The following CARMIL1 variants were observed in gnomAD, a reference collection of about 807,000 sequenced individuals.
The protein encoded by CARMIL1 is capping protein regulator and myosin 1 linker 1, also known as F-actin-uncapping protein LRRC16A.
Under a neutral mutation model 177.1 loss-of-function variants are expected in CARMIL1, and 90 were observed. The ratio of observed to expected loss-of-function variants is 0.51; its 90% CI spans 0.43 to 0.61. CARMIL1 has a LOEUF of 0.61. Among genes scored for constraint, CARMIL1 ranks in the 20% least tolerant of loss-of-function variants. The pLI, the probability that CARMIL1 is intolerant of heterozygous loss-of-function variation, is 0.00. For synonymous variants in CARMIL1, 577 were observed against 606.2 expected (o/e 0.95, Z 0.71); for missense variants, 1,380 against 1,667.0 (o/e 0.83, Z 3.00).
Position 25,619,493 on chromosome 6 carries a change from A to G in CARMIL1, c.4026A>G (p.Gln1342=). ...WGQQAQEYQE[Q]KQRSSSKDGH... Reference sequence around the variant, plus strand: ...AGCAGGCCCAGGAGTATCAAGAACAAAAGCAACGGTCCTCCAGTAAAGATG... The same window carrying G: ...AGCAGGCCCAGGAGTATCAAGAACAGAAGCAACGGTCCTCCAGTAAAGATG... Residue 1342 remains glutamine, a synonymous_variant, in exon 37 of 37, where the codon CAA becomes CAG. Coordinates refer to ENST00000329474, the MANE Select transcript of CARMIL1 (RefSeq NM_017640.6). The G allele has an allele frequency of 1.2e-6, 2 of 1,613,922 alleles. No homozygotes were observed. The highest frequency in any genetic ancestry group is 1.7e-6 in the Non-Finnish European group (2 of 1,179,850).
At chr6:25,609,944 CT>C in intron 35 of CARMIL1, 105 bp from the exon 36 acceptor site, 1 of 1,298,916 alleles carries the variant, frequency 7.7e-7, no homozygotes, top group Non-Finnish European at 1.0e-6. Flanking sequence ...TTCTATGATG[CT>C]TTATTTTTTT....
At chr6:25,408,710 C>T (rs6906404) in intron 2 of CARMIL1, among the ~76,000 whole-genome samples, 6,450 of 151,864 alleles carry the variant, frequency 0.042, 218 homozygotes, top group Middle Eastern at 0.12. Context: ...TGTATTGTCC[C>T]CTGATGAGAG....
intron 2 of CARMIL1, among the ~76,000 whole-genome samples, chr6:25,396,480 GCC>G (rs1793406210): frequency 6.6e-6 from 1 of 150,720 alleles, no homozygotes; most frequent in Non-Finnish European, 1.5e-5. Flanking sequence ...TCCTGTCTCA[GCC>G]TCCCGAGTAG....
At chr6:25,595,287 A>T (rs1814721358) in intron 32 of CARMIL1, among the ~76,000 whole-genome samples, 1 of 152,242 alleles carries the variant, frequency 6.6e-6, no homozygotes, top group South Asian at 2.1e-4. Context: ...GAGATATCAA[A>T]TTCAGGAACA....
rs749676898 is a variant in CARMIL1 at position 25,610,221 on chromosome 6, C to T, written c.3979+40C>T. On this transcript the variant is annotated intron_variant, in intron 36 of 36. Coordinates refer to ENST00000329474, the MANE Select transcript of CARMIL1 (RefSeq NM_017640.6). ...GATTTCTTTTCTCTGGGTTAGCTCT[C>T]CCCAAGGAGGGACATTTCAAAATAA... The T allele has an allele frequency of 1.9e-6, 3 of 1,567,416 alleles. No homozygotes were observed. In the South Asian group the frequency reaches 3.6e-5, roughly 19 times the overall value.
intron 8 of CARMIL1, among the ~76,000 whole-genome samples, chr6:25,459,913 G>A (rs1274062343): frequency 1.3e-5 from 2 of 152,138 alleles, no homozygotes; most frequent in Non-Finnish European, 2.9e-5. Context: ...CAGATCAAAG[G>A]TTACATCATA....
Position 25,580,959 on chromosome 6 carries a change from C to T in CARMIL1, c.2778C>T (p.Ser926=). The T allele has an allele frequency of 5.0e-6, 8 of 1,601,406 alleles. No homozygotes were observed. The highest frequency in any genetic ancestry group is 6.0e-6 in the Non-Finnish European group (7 of 1,173,420). ...AATCCAAAAGGAAGAGTATCCATAGCCGAATGCTGCGGCCTGTTTCTAGGG... is the reference window on the plus strand; with the variant it reads ...AATCCAAAAGGAAGAGTATCCATAGTCGAATGCTGCGGCCTGTTTCTAGGG... ...TPKSKRKSIH[S]RMLRPVSRAF... Residue 926 remains serine, a synonymous_variant, in exon 30 of 37, where the codon AGC becomes AGT. Transcript: ENST00000329474.
At chr6:25,546,669 CAA>C (rs58285338) in intron 26 of CARMIL1, among the ~76,000 whole-genome samples, 39 of 115,538 alleles carry the variant, frequency 3.4e-4, no homozygotes, top group African/African-American at 1.1e-3. Flanking sequence ...ACAACAACAA[CAA>C]AAAAAAAAAA....
chr6:25,485,060 ATGATTATATTAATAATTCT>A (rs1802496519), intron 12 of CARMIL1, among the ~76,000 whole-genome samples: 1 of 152,160 alleles, frequency 6.6e-6, no homozygotes, highest in Non-Finnish European at 1.5e-5. Flanking sequence ...AAACAAAAAA[ATGATTATATTAATAATTCT>A]TGATTATATT....
rs758063750 is a variant in CARMIL1 at position 25,581,343 on chromosome 6, T to C, written c.2910T>C (p.Phe970=). 1.9e-6 allele frequency: 3 copies of C among 1,613,892 alleles called. No homozygotes were observed. The East Asian group carries it at 6.7e-5, about 36-fold the overall frequency. The change falls in exon 31 of 37, where the codon TTT becomes TTC. Residue 970 remains phenylalanine (F), a synonymous_variant. Coordinates refer to ENST00000329474, the MANE Select transcript of CARMIL1 (RefSeq NM_017640.6). ...SLRQEKRSSG[F]ISELPSEEGK... is the part of the protein sequence containing the mutation. ...GACAGGAGAAGCGGAGCTCGGGATT[T>C]ATCTCTGAGTTGCCCTCTGAAGAGG...
At chr6:25,333,030 T>G (rs1432508113) in intron 2 of CARMIL1, among the ~76,000 whole-genome samples, 1 of 152,144 alleles carries the variant, frequency 6.6e-6, no homozygotes, top group African/African-American at 2.4e-5. Flanking sequence ...CTAAATGGTT[T>G]ACACTCAGAT....
At chr6:25,416,328 A>G (rs989902569) in intron 2 of CARMIL1, among the ~76,000 whole-genome samples, 3 of 152,212 alleles carry the variant, frequency 2.0e-5, no homozygotes, top group Non-Finnish European at 4.4e-5. Flanking sequence ...ATAAGTCATT[A>G]GGAACACCAT....
intron 29 of CARMIL1, among the ~76,000 whole-genome samples, chr6:25,568,136 AC>A (rs1434552271): frequency 2.0e-5 from 3 of 152,230 alleles, no homozygotes; most frequent in South Asian, 2.1e-4. Flanking sequence ...ACACTTGGAA[AC>A]TGGACCAAAA....
intron 2 of CARMIL1, among the ~76,000 whole-genome samples, chr6:25,390,314 A>T (rs1320006406): frequency 0.036 from 1,408 of 39,282 alleles, 57 homozygotes; most frequent in East Asian, 0.23. Flanking sequence ...ATATATATAT[A>T]TATATATTTT....
In CARMIL1 at chr6:25,492,014, T is replaced by G; in HGVS notation, c.1210T>G (p.Phe404Val). The G allele has an allele frequency of 1.2e-6, 2 of 1,613,434 alleles. No homozygotes were observed. The highest frequency in any genetic ancestry group is 2.2e-5 in the South Asian group (2 of 91,044). ...LAVLNLSRTV[F>V]SHRKGKEVPP... ...TGTGCTCAACCTCTCCAGAACTGTC[T>G]TCTCTCACCGGTATAGATTTATTTC... is the stretch of plus-strand genomic sequence containing the variant. Residue 404 changes from phenylalanine (F) to valine (V), a missense_variant, in exon 15 of 37, where the codon TTC (phenylalanine) becomes GTC (valine). Coordinates refer to ENST00000329474, the MANE Select transcript of CARMIL1 (RefSeq NM_017640.6).
chr6:25,332,777 A>ACG (rs1561995878), intron 2 of CARMIL1, among the ~76,000 whole-genome samples: 2 of 132,326 alleles, frequency 1.5e-5, no homozygotes, highest in Admixed American at 7.4e-5. Context: ...ACACACGCGC[A>ACG]CACACACACA....
chr6:25,556,965 A>T, intron 29 of CARMIL1, 115 bp downstream of exon 29: 68 of 1,039,196 alleles, frequency 6.5e-5, no homozygotes, highest in Non-Finnish European at 7.0e-6. Flanking sequence ...CACTGTCCCC[A>T]CCCTCAGACA....
chr6:25,560,841 C>T (rs1372639949), intron 29 of CARMIL1, among the ~76,000 whole-genome samples: 1 of 152,100 alleles, frequency 6.6e-6, no homozygotes, highest in Admixed American at 6.6e-5. Flanking sequence ...AAATAGAAGG[C>T]GTAGTGTAAT....
chr6:25,544,672 G>A lies in CARMIL1; in HGVS notation c.2328+4594G>A, dbSNP rs193281711. On this transcript the variant is annotated intron_variant, in intron 26 of 36. Coordinates refer to ENST00000329474, the MANE Select transcript of CARMIL1 (RefSeq NM_017640.6). ...CCCAAACACTAAAGGATATACTTTA[G>A]GACAAAGAAAAATTATCCAAAAAAT... Among the ~76,000 whole-genome samples the A allele has an allele frequency of 1.2e-3, 174 of 148,898 alleles. 1 individual carries two copies. Among genetic ancestry groups the A allele is most frequent in the Non-Finnish European group, 1.9e-3 (127 of 67,170 alleles).
Sources: gnomAD v4.1 joint callset for allele counts (sites outside exome capture counted in the v4.1 genomes callset) on GRCh38, gnomAD v4.1.1 for gene constraint, MANE v1.5 for transcripts, NCBI Gene and HGNC (gene_info 2026-07-23, HGNC 2026-07-21) for gene names.